Variants in TEX9 observed in about 807,000 individuals in gnomAD.
The protein encoded by TEX9 is testis-expressed protein 9.
Under a neutral mutation model 59.6 loss-of-function variants are expected in TEX9, and 74 were observed. The observed-to-expected ratio is 1.24, with a 90% confidence interval of 1.03 to 1.51. The LOEUF (loss-of-function observed/expected upper bound fraction) is 1.51, where lower values mean the gene tolerates loss of function less well. Ranked by LOEUF, TEX9 falls within the 40% of genes most tolerant of loss-of-function variation. TEX9 has a pLI of 0.00. For missense variants in TEX9, 522 were observed against 447.8 expected (o/e 1.17, Z -1.49); for synonymous variants, 186 against 152.2 (o/e 1.22, Z -1.64).
chr15:56,359,763 C>G (rs769842090), intron 1 of TEX9, among the ~76,000 whole-genome samples: 58 of 152,116 alleles, frequency 3.8e-4, no homozygotes, highest in Non-Finnish European at 6.2e-4. Context: ...TCTTATTGCA[C>G]TAGCTAGAAC....
At chr15:56,324,703 G>T (rs576829303) in intron 1 of TEX9, among the ~76,000 whole-genome samples, 1 of 152,208 alleles carries the variant, frequency 6.6e-6, no homozygotes, top group Non-Finnish European at 1.5e-5. Flanking sequence ...TTAATTCTTT[G>T]TATAGCTACT....
chr15:56,279,099 T>A (rs1405725446), intron 1 of TEX9, among the ~76,000 whole-genome samples: 1 of 152,166 alleles, frequency 6.6e-6, no homozygotes, highest in Non-Finnish European at 1.5e-5. Context: ...ATATATATAT[T>A]TTTAACTTTA....
chr15:56,280,607 A>T (rs555304812), intron 1 of TEX9, among the ~76,000 whole-genome samples: 1 of 152,372 alleles, frequency 6.6e-6, no homozygotes, highest in Non-Finnish European at 1.5e-5. Context: ...ATAAGTTTAT[A>T]GGGAAATGAA....
At chr15:56,406,513 G>A (rs2049087849) in intron 9 of TEX9, among the ~76,000 whole-genome samples, 2 of 152,138 alleles carry the variant, frequency 1.3e-5, no homozygotes, top group Non-Finnish European at 2.9e-5. Flanking sequence ...AACTTTTTAA[G>A]AAACTGCTAA....
At chr15:56,407,527 A>G (rs2049136784) in intron 9 of TEX9, among the ~76,000 whole-genome samples, 1 of 152,150 alleles carries the variant, frequency 6.6e-6, no homozygotes. Context: ...TATTATATTT[A>G]TAATACCTGT....
intron 1 of TEX9, among the ~76,000 whole-genome samples, chr15:56,338,411 G>A (rs1420024255): frequency 2.0e-5 from 3 of 152,142 alleles, no homozygotes; most frequent in African/African-American, 4.8e-5. Context: ...GCAGGTTTTG[G>A]GTGGTGCAGT....
intron 1 of TEX9, among the ~76,000 whole-genome samples, chr15:56,282,400 A>C (rs2044839512): frequency 6.6e-6 from 1 of 152,188 alleles, no homozygotes; most frequent in East Asian, 1.9e-4. Context: ...GCATATTTTA[A>C]AGTAAAACCC....
At chr15:56,301,034 C>G (rs1390019284) in intron 1 of TEX9, among the ~76,000 whole-genome samples, 1 of 152,148 alleles carries the variant, frequency 6.6e-6, no homozygotes, top group Non-Finnish European at 1.5e-5. Flanking sequence ...TGACAAATCA[C>G]AGAGTGAAAA....
chr15:56,394,655 CTATA>C lies in TEX9; in HGVS notation c.655-5_655-2del. The stretch of plus-strand genomic sequence containing the variant: ...TTTCACATAATCTATAACTTTATAA[CTATA>C]GGAGGATGAAATTCAGAATTTAAAG... On this transcript the variant is annotated splice_acceptor_variant and splice_polypyrimidine_tract_variant and intron_variant, in intron 8 of 12. Coordinates refer to ENST00000352903, the Ensembl canonical transcript of TEX9. LOFTEE classifies it high-confidence loss of function. 2 of 1,552,686 alleles carry C rather than the reference CTATA, an allele frequency of 1.3e-6. No individual in the cohort carries two copies. The highest frequency in any genetic ancestry group is 1.8e-6 in the Non-Finnish European group (2 of 1,131,474).
chr15:56,434,689 C>A (rs1438595894), intron 12 of TEX9, among the ~76,000 whole-genome samples: 1 of 152,078 alleles, frequency 6.6e-6, no homozygotes, highest in African/African-American at 2.4e-5. Flanking sequence ...GTTACAAAAG[C>A]CTTTTTTGCA....
At chr15:56,255,716 G>T (rs1353993209) in intron 1 of TEX9, among the ~76,000 whole-genome samples, 1 of 151,972 alleles carries the variant, frequency 6.6e-6, no homozygotes, top group African/African-American at 2.4e-5. Flanking sequence ...AACATCAAAT[G>T]TCATCTTTAT....
intron 1 of TEX9, among the ~76,000 whole-genome samples, chr15:56,321,798 T>A (rs2045910279): frequency 6.6e-6 from 1 of 152,152 alleles, no homozygotes; most frequent in Non-Finnish European, 1.5e-5. Flanking sequence ...AAGTACTGAT[T>A]TGAATGACTC....
intron 10 of TEX9, among the ~76,000 whole-genome samples, chr15:56,427,048 T>C (rs2050319740): frequency 6.6e-6 from 1 of 152,076 alleles, no homozygotes; most frequent in South Asian, 2.1e-4. Context: ...GGCTCTGTTT[T>C]TCTAGAATTT....
In TEX9 at chr15:56,384,405, A is replaced by G. The variant is rs546881662; in HGVS notation, c.263+374A>G. On this transcript the variant is annotated intron_variant, in intron 4 of 12. Transcript: ENST00000352903. Reference sequence around the variant, plus strand: ...TAGTTAATCTCTTCCAAGCCAAAACAGACAAAAATTGGTGTGTGGACCTCC... The same window carrying G: ...TAGTTAATCTCTTCCAAGCCAAAACGGACAAAAATTGGTGTGTGGACCTCC... 2.6e-5 allele frequency among the ~76,000 whole-genome samples: 4 copies of G among 152,304 alleles called. No homozygotes were observed. The East Asian group carries it at 7.7e-4, about 29-fold the overall frequency.
Position 56,310,724 on chromosome 15 carries a change from C to T in TEX9, c.-106-62717C>T, listed in dbSNP as rs55767702. ...AATGAGTCATTGCAAATCAGAATAGCAAGTCTTCTGAGCAAAGGGAAAGCA... is the reference window on the plus strand; with the variant it reads ...AATGAGTCATTGCAAATCAGAATAGTAAGTCTTCTGAGCAAAGGGAAAGCA... On this transcript the variant is annotated intron_variant, in intron 1 of 5. Transcript: ENST00000560827. Among the ~76,000 whole-genome samples, 5 of 152,078 alleles carry T rather than the reference C, an allele frequency of 3.3e-5. No individual in the cohort carries two copies. The East Asian group carries it at 9.6e-4, about 29-fold the overall frequency.
At chr15:56,269,669 T>TC (rs1400779818) in intron 1 of TEX9, among the ~76,000 whole-genome samples, 2 of 150,466 alleles carry the variant, frequency 1.3e-5, no homozygotes, top group Non-Finnish European at 3.0e-5. Flanking sequence ...TTTTTTTTTT[T>TC]TGAGACGGAG....
chr15:56,345,396 C>G (rs188902072), intron 1 of TEX9, among the ~76,000 whole-genome samples: 2 of 152,130 alleles, frequency 1.3e-5, no homozygotes, highest in East Asian at 3.9e-4. Flanking sequence ...TAATGTATGC[C>G]TAAAGAACTG....
intron 1 of TEX9, among the ~76,000 whole-genome samples, chr15:56,257,511 T>C (rs945401714): frequency 6.6e-6 from 1 of 152,194 alleles, no homozygotes; most frequent in Admixed American, 6.5e-5. Flanking sequence ...TGGTATCTCA[T>C]TGTGGTTTTG....
chr15:56,260,808 A>G (rs535145974), intron 1 of TEX9, among the ~76,000 whole-genome samples: 4 of 152,116 alleles, frequency 2.6e-5, no homozygotes, highest in South Asian at 2.1e-4. Context: ...GAAAGAGGTT[A>G]TGTAGGATTG....
Sources: allele counts gnomAD v4.1 joint callset (sites outside exome capture counted in the v4.1 genomes callset), GRCh38; gene constraint gnomAD v4.1.1; transcripts MANE v1.5; gene names NCBI Gene and HGNC (gene_info 2026-07-23, HGNC 2026-07-21).